Variants in UVSSA observed in about 807,000 individuals in gnomAD.
UVSSA encodes the protein UV stimulated scaffold protein A, also known as UV-stimulated scaffold protein A.
In UVSSA, 72 loss-of-function variants were observed where a neutral mutation model predicts 73.9. The observed-to-expected ratio is 0.97, with a 90% CI of 0.81 to 1.19. The LOEUF (loss-of-function observed/expected upper bound fraction) is 1.19. Among genes scored for constraint, UVSSA ranks in the 50% most tolerant of loss-of-function variants. UVSSA has a pLI of 0.00. For missense variants in UVSSA, 1,150 were observed against 965.0 expected, an observed-to-expected ratio of 1.19 and a Z score of -2.54; for synonymous variants, 454 against 391.3, an observed-to-expected ratio of 1.16 and a Z score of -1.89.
intron 12 of UVSSA, among the ~76,000 whole-genome samples, chr4:1,382,170 C>T (rs1195803073): frequency 6.6e-6 from 1 of 152,228 alleles, no homozygotes; most frequent in Non-Finnish European, 1.5e-5. Flanking sequence ...CCCTGGGCGG[C>T]GGGAGGGCCC....
intron 3 of UVSSA, among the ~76,000 whole-genome samples, chr4:1,351,417 G>A (rs192680426): frequency 3.6e-5 from 5 of 140,148 alleles, no homozygotes; most frequent in Admixed American, 7.4e-5. Flanking sequence ...ACAGAGTCTC[G>A]CTCTGTCGCC....
rs140382603 is a variant in UVSSA, at chr4:1,395,197, C to T, written c.*9236C>T. 78 of 1,458,316 alleles carry T rather than the reference C, an allele frequency of 5.3e-5. 8 individuals carry two copies. The highest frequency in any genetic ancestry group is 4.1e-4 in the African/African-American group (23 of 56,072). The allele number at this position is 1,458,316 out of a possible 1,614,324, so 90.3% of individuals were successfully genotyped here. A position where few individuals can be genotyped will look rare whatever the true frequency, so the allele number is the denominator to read the frequency against. On this transcript the variant is annotated 3_prime_UTR_variant, in exon 14 of 14. Transcript: ENST00000511216. ...CTCACACGTGCCGATGCGGAGTGCC[C>T]GCCTGCTCACACGTGCCGATGCGGA...
At chr4:1,372,250 AGTCT>A (rs1375673391) in intron 8 of UVSSA, among the ~76,000 whole-genome samples, 2 of 152,112 alleles carry the variant, frequency 1.3e-5, no homozygotes, top group Non-Finnish European at 2.9e-5. Context: ...TCCACTCCAG[AGTCT>A]GTCTTTCTGT....
chr4:1,380,809 G>C (rs1719394325), intron 11 of UVSSA, 71 bp from the exon 12 acceptor site: 4 of 1,592,814 alleles, frequency 2.5e-6, no homozygotes, highest in Non-Finnish European at 3.4e-6. Context: ...CCCAAGTCGT[G>C]GTGGTGGGGG....
At chr4:1,370,666 T>A (rs1323343263) in intron 8 of UVSSA, among the ~76,000 whole-genome samples, 1 of 151,164 alleles carries the variant, frequency 6.6e-6, no homozygotes, top group Non-Finnish European at 1.5e-5. Flanking sequence ...TGGGTGCCAG[T>A]AACACCCTAT....
exon 14 of UVSSA, chr4:1,394,351 G>T: frequency 7.9e-7 from 1 of 1,265,896 alleles, no homozygotes; most frequent in Non-Finnish European, 1.1e-6. Context: ...CCCCCTTAAA[G>T]ATTATATTTG....
intron 4 of UVSSA, among the ~76,000 whole-genome samples, chr4:1,352,252 G>A (rs1714887904): frequency 6.6e-6 from 1 of 152,248 alleles, no homozygotes; most frequent in African/African-American, 2.4e-5. Flanking sequence ...CCACGAGAGT[G>A]TGAGGAGGGG....
chr4:1,351,744 T>G lies in UVSSA; in HGVS notation c.459T>G (p.Ser153Arg). The G allele has an allele frequency of 6.2e-7, 1 of 1,613,444 alleles. No homozygotes were observed. Among genetic ancestry groups the G allele is most frequent in the Non-Finnish European group, 8.5e-7 (1 of 1,179,798 alleles). The change falls in exon 4 of 14, where the codon AGT (serine) becomes AGG (arginine). Residue 153 changes from serine to arginine, a missense_variant. Ser to Arg is a moderately radical substitution (Grantham distance 110). Coordinates refer to ENST00000389851, the MANE Select transcript of UVSSA (RefSeq NM_020894.4). The part of the protein sequence containing the change: ...KVDFQDTNAR[S>R]LAERKREEEK... ...ATTTTCAAGACACGAATGCTCGGAG[T>G]CTGGCAGAAAGGAAGAGAGAAGAGG... is the stretch of plus-strand genomic sequence containing the variant.
chr4:1,366,581 C>T (rs181746092), intron 8 of UVSSA, 150 bp downstream of exon 8: 221 of 575,138 alleles, frequency 3.8e-4, no homozygotes, highest in Middle Eastern at 1.9e-3. Flanking sequence ...TTCCTGCTCA[C>T]GGTCGTAGCC....
Position 1,349,771 on chromosome 4 carries a change from G to A in UVSSA, c.346G>A (p.Ala116Thr), listed in dbSNP as rs376077428. The part of the protein sequence containing the change: ...AQRLRQATTR[A>T]VEGWNEKFGE... Reference sequence around the variant, plus strand: ...GAGGCTGAGGCAGGCGACCACCCGGGCCGTGGAAGGGTGGAATGAGAAGTT... The same window carrying A: ...GAGGCTGAGGCAGGCGACCACCCGGACCGTGGAAGGGTGGAATGAGAAGTT... Residue 116 changes from alanine to threonine, a missense_variant, in exon 3 of 14, where the codon GCC becomes ACC. Physicochemically the swap from Ala to Thr is moderately conservative, Grantham distance 58. Transcript: ENST00000389851. 8.7e-6 allele frequency: 14 copies of A among 1,608,084 alleles called. No homozygotes were observed. Among genetic ancestry groups the A allele is most frequent in the African/African-American group, 1.3e-5 (1 of 74,558 alleles).
At chr4:1,367,335 G>A (rs1717464459) in intron 8 of UVSSA, among the ~76,000 whole-genome samples, 1 of 152,224 alleles carries the variant, frequency 6.6e-6, no homozygotes, top group Non-Finnish European at 1.5e-5. Flanking sequence ...ATGGAGGGGA[G>A]GCAAATGAAA....
chr4:1,370,027 A>C (rs1009287915), intron 8 of UVSSA, among the ~76,000 whole-genome samples: 1 of 152,172 alleles, frequency 6.6e-6, no homozygotes, highest in African/African-American at 2.4e-5. Context: ...TATGTCAGAG[A>C]GATTGATTTT....
chr4:1,350,383 A>T (rs1714516396), intron 3 of UVSSA, among the ~76,000 whole-genome samples: 1 of 152,068 alleles, frequency 6.6e-6, no homozygotes, highest in Admixed American at 6.5e-5. Flanking sequence ...AGTCCTCCCC[A>T]GTGCAATGAC....
chr4:1,394,134 G>A (rs1438006206), exon 14 of UVSSA: 2 of 367,004 alleles, frequency 5.4e-6, no homozygotes, highest in African/African-American at 2.1e-5. Flanking sequence ...CCAGAGGTGA[G>A]GGCCAGGGCA....
Position 1,376,049 on chromosome 4 carries a change from G to A in UVSSA, c.1449G>A (p.Leu483=). The A allele has an allele frequency of 6.3e-7, 1 of 1,598,274 alleles. No individual in the cohort carries two copies. Among genetic ancestry groups the A allele is most frequent in the Non-Finnish European group, 8.5e-7 (1 of 1,173,506 alleles). ...GCTCCTGTAGCCCCTCCAGAGCGTT[G>A]CCAGAGCCACAGGAGGCCCAGAAGC... The part of the protein sequence containing the change: ...PPSSASPSRA[L]PEPQEAQKLA... The change falls in exon 10 of 14, where the codon TTG becomes TTA. Residue 483 remains leucine, a synonymous_variant. Transcript: ENST00000389851.
intron 8 of UVSSA, among the ~76,000 whole-genome samples, chr4:1,371,461 T>C (rs537199275): frequency 6.6e-6 from 1 of 152,188 alleles, no homozygotes; most frequent in East Asian, 1.9e-4. Flanking sequence ...CAGTTCCGCG[T>C]GTGTGTTGGA....
intron 1 of UVSSA, 132 bp downstream of exon 1, chr4:1,347,892 A>C (rs1022654514): frequency 5.2e-6 from 3 of 577,258 alleles, no homozygotes; most frequent in Non-Finnish European, 9.3e-6. Context: ...TTTAAGGTTC[A>C]CTTTTAAAAC....
chr4:1,352,813 C>T (rs55638346), intron 4 of UVSSA, among the ~76,000 whole-genome samples: 1 of 152,246 alleles, frequency 6.6e-6, no homozygotes, highest in East Asian at 1.9e-4. Context: ...AGCATGGCAT[C>T]ACGTGTCTGT....
chr4:1,380,515 G>T, intron 11 of UVSSA: 1 of 913,122 alleles, frequency 1.1e-6, no homozygotes, highest in Non-Finnish European at 1.6e-6. Context: ...GTTGCAGCCC[G>T]GGTCTGTGCT....
Sources: gnomAD v4.1 joint callset for allele counts (sites outside exome capture counted in the v4.1 genomes callset) on GRCh38, gnomAD v4.1.1 for gene constraint, MANE v1.5 for transcripts, NCBI Gene and HGNC (gene_info 2026-07-23, HGNC 2026-07-21) for gene names.